Variants in TM9SF3 observed in about 807,000 individuals in gnomAD.
The protein encoded by TM9SF3 is SM-11044-binding protein.
A neutral mutation model predicts 78.6 loss-of-function variants in TM9SF3; 14 were observed. That is an observed-to-expected ratio of 0.18 (90% CI 0.12 to 0.28). TM9SF3 has a LOEUF of 0.28. TM9SF3 is among the 10% of genes least tolerant of loss of function. TM9SF3 has a pLI of 1.00. For synonymous variants in TM9SF3, 231 were observed against 241.7 expected (o/e 0.96, Z 0.41); for missense variants, 496 against 721.9 (o/e 0.69, Z 3.59).
At chr10:96,569,621 A>G (rs1848416687) in intron 2 of TM9SF3, among the ~76,000 whole-genome samples, 1 of 152,234 alleles carries the variant, frequency 6.6e-6, no homozygotes, top group African/African-American at 2.4e-5. Context: ...CAGTAATTCT[A>G]CTTCCAAGAA....
intron 2 of TM9SF3, among the ~76,000 whole-genome samples, chr10:96,567,885 C>T (rs1848396718): frequency 6.6e-6 from 1 of 152,162 alleles, no homozygotes; most frequent in Non-Finnish European, 1.5e-5. Context: ...AGGGTATGTA[C>T]CTATACATGC....
chr10:96,532,548 T>C (rs1847910566), intron 10 of TM9SF3, among the ~76,000 whole-genome samples: 1 of 152,184 alleles, frequency 6.6e-6, no homozygotes, highest in Non-Finnish European at 1.5e-5. Context: ...AAATAGGGAA[T>C]GTAATAAATG....
chr10:96,526,999 A>C (rs930098571), intron 14 of TM9SF3, among the ~76,000 whole-genome samples: 6 of 152,134 alleles, frequency 3.9e-5, no homozygotes, highest in African/African-American at 1.4e-4. Context: ...ATTCTGTGCT[A>C]TACAGAATTA....
In TM9SF3 at chr10:96,559,772, G is replaced by A. The variant is rs746495267; in HGVS notation, c.583-36C>T. 5 of 1,285,700 alleles carry A rather than the reference G, an allele frequency of 3.9e-6. No homozygotes were observed. The East Asian group carries it at 7.6e-5, about 19-fold the overall frequency. The allele number at this position is 1,285,700 out of a possible 1,614,324, so 79.6% of individuals were successfully genotyped here. ...TTTTTTCATTTGAAAATAAAGGCCA[G>A]TAAACAAATTAATAATCTGATGACA... is the stretch of plus-strand genomic sequence containing the variant. On this transcript the variant is annotated intron_variant, in intron 4 of 14. Coordinates refer to ENST00000371142, the MANE Select transcript of TM9SF3 (RefSeq NM_020123.4).
In TM9SF3 at chr10:96,560,306, A is replaced by G. The variant is rs1199165383; in HGVS notation, c.583-570T>C. ...GTGGATAATGATGAAAATGAGCACC[A>G]ATTATCTTTAAGAACGGTCAGTTTA... On this transcript the variant is annotated intron_variant, in intron 4 of 14. Transcript: ENST00000371142. The G allele has an allele frequency of 2.0e-5, 15 of 749,612 alleles. No homozygotes were observed. The East Asian group carries it at 3.8e-4, about 19-fold the overall frequency. 46.4% of individuals were successfully genotyped at this position (749,612 alleles called of 1,614,324 possible). A position where few individuals can be genotyped will look rare whatever the true frequency, so the allele number is the denominator to read the frequency against.
chr10:96,576,285 T>C (rs1848496276), intron 2 of TM9SF3: 1 of 154,744 alleles, frequency 6.5e-6, no homozygotes, highest in South Asian at 2.1e-4. Flanking sequence ...TTAACAATTA[T>C]CTATTTTATT....
intron 14 of TM9SF3, among the ~76,000 whole-genome samples, chr10:96,524,415 C>A (rs1384919048): frequency 6.6e-6 from 1 of 151,734 alleles, no homozygotes; most frequent in African/African-American, 2.4e-5. Context: ...TAATTAGCAT[C>A]AAAAATTTTA....
chr10:96,572,528 T>TC (rs1454363894), intron 2 of TM9SF3, among the ~76,000 whole-genome samples: 7 of 149,194 alleles, frequency 4.7e-5, no homozygotes, highest in Admixed American at 2.0e-4. Context: ...GCATTTTCTT[T>TC]TTTTTTTTTT....
intron 11 of TM9SF3, 49 bp from the exon 12 acceptor site, chr10:96,528,226 C>T (rs760143299): frequency 2.0e-6 from 3 of 1,526,312 alleles, no homozygotes; most frequent in Non-Finnish European, 2.6e-6. Flanking sequence ...ATTCTTAAAG[C>T]TCACTCTGCT....
At position 96,545,171 on chromosome 10, in the gene TM9SF3, A is replaced by G. The variant is rs117172257; in HGVS notation, c.1055-965T>C. 4.9e-3 allele frequency among the ~76,000 whole-genome samples: 748 copies of G among 152,356 alleles called. 3 individuals are homozygous for G. Among genetic ancestry groups the G allele is most frequent in the Non-Finnish European group, 8.3e-3 (564 of 68,036 alleles). ...AGAGCAACAGAGAGCTGTCTTTCTAATACAGCAGAGGGTAAAGCTGGCAGA... is the reference window on the plus strand; with the variant it reads ...AGAGCAACAGAGAGCTGTCTTTCTAGTACAGCAGAGGGTAAAGCTGGCAGA... On this transcript the variant is annotated intron_variant, in intron 8 of 14. Transcript: ENST00000371142.
chr10:96,519,579 T>TA lies in TM9SF3; in HGVS notation c.*2683dup, dbSNP rs1847738730. ...AAGATACACAAGGAATGTTTAGCCT[T>TA]AGTTTTTGATAGTATTATCCAAAGT... On this transcript the variant is annotated 3_prime_UTR_variant, in exon 15 of 15. Transcript: ENST00000371142. The TA allele has an allele frequency of 6.6e-6, 1 of 151,978 alleles. No individual in the cohort carries two copies. The highest frequency in any genetic ancestry group is 2.1e-4 in the South Asian group (1 of 4,832). The allele number at this position is 151,978 out of a possible 1,614,324, so 9.4% of individuals were successfully genotyped here. A position where few individuals can be genotyped will look rare whatever the true frequency, so the allele number is the denominator to read the frequency against.
At chr10:96,554,314 T>G (rs894861442) in intron 5 of TM9SF3, among the ~76,000 whole-genome samples, 2 of 152,198 alleles carry the variant, frequency 1.3e-5, no homozygotes, top group African/African-American at 4.8e-5. Flanking sequence ...TCAATGTCAA[T>G]ACTTTTCAAA....
At chr10:96,554,801 TC>T (rs1564934313) in intron 5 of TM9SF3, among the ~76,000 whole-genome samples, 1 of 152,318 alleles carries the variant, frequency 6.6e-6, no homozygotes, top group East Asian at 1.9e-4. Context: ...CTCATAATCT[TC>T]CACCTCATAT....
At chr10:96,572,208 A>G (rs1848444367) in intron 2 of TM9SF3, among the ~76,000 whole-genome samples, 1 of 152,188 alleles carries the variant, frequency 6.6e-6, no homozygotes, top group South Asian at 2.1e-4. Flanking sequence ...AATATAAACT[A>G]TATACCAGGA....
At chr10:96,579,730 C>T (rs916108120) in intron 1 of TM9SF3, among the ~76,000 whole-genome samples, 3 of 150,342 alleles carry the variant, frequency 2.0e-5, no homozygotes, top group Admixed American at 6.7e-5. Flanking sequence ...ATGCTTTTTT[C>T]TTTTGTTTTG....
chr10:96,586,403 G>A (rs2134165943), intron 1 of TM9SF3, among the ~76,000 whole-genome samples: 1 of 152,216 alleles, frequency 6.6e-6, no homozygotes, highest in Non-Finnish European at 1.5e-5. Context: ...CCGTTGCCCC[G>A]CTCCCGCGGT....
intron 1 of TM9SF3, among the ~76,000 whole-genome samples, chr10:96,580,585 C>T (rs1035269800): frequency 1.3e-5 from 2 of 152,220 alleles, no homozygotes; most frequent in East Asian, 3.9e-4. Flanking sequence ...CTTCTTTCGT[C>T]ATTCCACCAA....
At chr10:96,561,646 G>A (rs1437246690) in intron 4 of TM9SF3, among the ~76,000 whole-genome samples, 1 of 152,068 alleles carries the variant, frequency 6.6e-6, no homozygotes, top group Non-Finnish European at 1.5e-5. Context: ...AAAAGGAAAG[G>A]GAAACAACAT....
chr10:96,565,269 T>G, intron 3 of TM9SF3, 35 bp downstream of exon 3: 8 of 1,466,226 alleles, frequency 5.5e-6, no homozygotes, highest in Non-Finnish European at 7.2e-6. Flanking sequence ...TTATGCAAAT[T>G]TTCCCAAATC....
Sources: allele counts gnomAD v4.1 joint callset (sites outside exome capture counted in the v4.1 genomes callset), GRCh38; gene constraint gnomAD v4.1.1; transcripts MANE v1.5; gene names NCBI Gene and HGNC (gene_info 2026-07-23, HGNC 2026-07-21).